The following PARD3 variants were observed in gnomAD, a reference collection of about 807,000 sequenced individuals.
The protein encoded by PARD3 is par-3 family cell polarity regulator, also known as partitioning defective 3 homolog.
PARD3 carries 75 observed loss-of-function variants against 155.4 expected under a neutral mutation model. The observed-to-expected ratio is 0.48, with a 90% CI of 0.40 to 0.58. The LOEUF is 0.58. PARD3 is among the 20% of genes least tolerant of loss of function. The probability of loss-of-function intolerance (pLI) is 0.00; values close to 1 mark genes in which losing one functional copy is unlikely to be tolerated. For synonymous variants in PARD3, 576 were observed against 610.5 expected (o/e 0.94, Z 0.83); for missense variants, 1,642 against 1,721.7 (o/e 0.95, Z 0.82).
intron 22 of PARD3, among the ~76,000 whole-genome samples, chr10:34,247,218 C>T (rs1338211409): frequency 6.6e-6 from 1 of 152,124 alleles, no homozygotes; most frequent in Non-Finnish European, 1.5e-5. Flanking sequence ...TAGAAACAGA[C>T]AGGATAGACA....
rs1406963390 is a variant in PARD3 at position 34,564,982 on chromosome 10, A to T, written c.223-47823T>A. Among the ~76,000 whole-genome samples, 3 of 152,132 alleles carry T rather than the reference A, an allele frequency of 2.0e-5. No individual in the cohort carries two copies. The South Asian group carries it at 6.2e-4, about 32-fold the overall frequency. On this transcript the variant is annotated intron_variant, in intron 2 of 24. Transcript: ENST00000374788. ...AACTGAGGCCCAGAAAAGCCAAGAA[A>T]CTTGCCCAAGTGCACAGAACTAATT...
At chr10:34,691,275 C>A (rs1304870244) in intron 2 of PARD3, among the ~76,000 whole-genome samples, 1 of 152,164 alleles carries the variant, frequency 6.6e-6, no homozygotes, top group East Asian at 1.9e-4. Context: ...GTATAAAAAT[C>A]AGTAGCATTC....
intron 23 of PARD3, among the ~76,000 whole-genome samples, chr10:34,121,583 C>T (rs1183419173): frequency 6.6e-6 from 1 of 152,196 alleles, no homozygotes; most frequent in African/African-American, 2.4e-5. Flanking sequence ...AAAAGAATGG[C>T]TCCTATGGTT....
At position 34,559,984 on chromosome 10, in the gene PARD3, A is replaced by C. The variant is rs988283730; in HGVS notation, c.223-42825T>G. On this transcript the variant is annotated intron_variant, in intron 2 of 24. Transcript: ENST00000374788. Reference sequence around the variant, plus strand: ...AGCTTGAGAGTTCTTTTTTTAAGCCAAACATTTTAAAAGTTTGAATTGAAG... The same window carrying C: ...AGCTTGAGAGTTCTTTTTTTAAGCCCAACATTTTAAAAGTTTGAATTGAAG... Among the ~76,000 whole-genome samples, 5 of 152,200 alleles carry C rather than the reference A, an allele frequency of 3.3e-5. No individual in the cohort carries two copies. The South Asian group carries it at 1.0e-3, about 32-fold the overall frequency.
At chr10:34,313,676 C>T (rs1957825159) in intron 20 of PARD3, among the ~76,000 whole-genome samples, 1 of 152,142 alleles carries the variant, frequency 6.6e-6, no homozygotes, top group Non-Finnish European at 1.5e-5. Flanking sequence ...AAAACAAGGC[C>T]TATCTATTTG....
intron 2 of PARD3, among the ~76,000 whole-genome samples, chr10:34,674,877 A>G (rs1024360380): frequency 6.6e-6 from 1 of 152,320 alleles, no homozygotes; most frequent in Non-Finnish European, 1.5e-5. Context: ...CAATTTAACT[A>G]TAATTCTACT....
At chr10:34,348,191 A>C in intron 14 of PARD3, 76 bp from the exon 15 acceptor site, 4 of 1,332,742 alleles carry the variant, frequency 3.0e-6, no homozygotes, top group Non-Finnish European at 4.1e-6. Context: ...GAATTATAAC[A>C]ACTTGCCCGA....
intron 22 of PARD3, among the ~76,000 whole-genome samples, chr10:34,186,646 CAGG>C (rs1950507665): frequency 2.0e-5 from 3 of 152,212 alleles, no homozygotes; most frequent in South Asian, 2.1e-4. Context: ...AGTTGGGGAA[CAGG>C]AGGAGGACAT....
chr10:34,197,088 A>C (rs1950982141), intron 22 of PARD3, among the ~76,000 whole-genome samples: 1 of 152,266 alleles, frequency 6.6e-6, no homozygotes, highest in South Asian at 2.1e-4. Flanking sequence ...TCAGCTCAAA[A>C]CCAAGTTAAA....
chr10:34,454,910 G>C (rs2077254936), intron 4 of PARD3, among the ~76,000 whole-genome samples: 1 of 149,422 alleles, frequency 6.7e-6, no homozygotes, highest in Non-Finnish European at 1.5e-5. Flanking sequence ...GGTAAGGAAA[G>C]TAAGTGTCTT....
At chr10:34,250,610 T>C (rs540564598) in intron 22 of PARD3, among the ~76,000 whole-genome samples, 76 of 148,240 alleles carry the variant, frequency 5.1e-4, no homozygotes, top group Non-Finnish European at 7.0e-4. Flanking sequence ...TACTCAGTAA[T>C]AAAAGAAAAA....
intron 2 of PARD3, among the ~76,000 whole-genome samples, chr10:34,544,146 T>C (rs2133910973): frequency 6.6e-6 from 1 of 152,358 alleles, no homozygotes; most frequent in East Asian, 1.9e-4. Context: ...TAACTTTTCT[T>C]TTTGAATTCT....
chr10:34,328,253 C>T (rs978670023), intron 19 of PARD3, among the ~76,000 whole-genome samples: 1 of 152,062 alleles, frequency 6.6e-6, no homozygotes, highest in Non-Finnish European at 1.5e-5. Context: ...ATCGATTTGG[C>T]AGACATTTAT....
intron 2 of PARD3, among the ~76,000 whole-genome samples, chr10:34,615,147 C>T (rs745799084): frequency 3.3e-5 from 5 of 152,150 alleles, no homozygotes; most frequent in African/African-American, 4.8e-5. Context: ...CGCCACTTCA[C>T]TCCAGCCTGG....
At chr10:34,412,944 G>C (rs909137707) in intron 5 of PARD3, among the ~76,000 whole-genome samples, 4 of 152,048 alleles carry the variant, frequency 2.6e-5, no homozygotes, top group Admixed American at 6.6e-5. Flanking sequence ...AAAAATAAAA[G>C]ATTTGAAATA....
intron 6 of PARD3, among the ~76,000 whole-genome samples, chr10:34,401,526 G>A (rs143029575): frequency 6.6e-6 from 1 of 152,164 alleles, no homozygotes; most frequent in East Asian, 1.9e-4. Flanking sequence ...GAGTTACGGT[G>A]TTTACAGTGT....
chr10:34,390,824 T>G lies in PARD3; in HGVS notation c.891-6570A>C, dbSNP rs558885930. 2.6e-5 allele frequency among the ~76,000 whole-genome samples: 4 copies of G among 152,360 alleles called. No individual in the cohort carries two copies. The South Asian group carries it at 6.2e-4, about 24-fold the overall frequency. On this transcript the variant is annotated intron_variant, in intron 7 of 24. Transcript: ENST00000374788. ...GTATAACAAACAATATAGTTTTTTT[T>G]GTGTGTGTACACATTTAGTTTTATT...
chr10:34,710,011 A>T (rs2133617531), intron 1 of PARD3, among the ~76,000 whole-genome samples: 1 of 152,280 alleles, frequency 6.6e-6, no homozygotes, highest in East Asian at 1.9e-4. Flanking sequence ...GCGGGGGGAC[A>T]GGGAGCTAGA....
rs552419722 is a variant in PARD3 at position 34,783,381 on chromosome 10, G to A, written c.120+31495C>T. ...GCACTTTCGGAGGCCGAGGCGGGCA[G>A]ATCACAAGGTCAGGAGATCGAGACC... On this transcript the variant is annotated intron_variant, in intron 1 of 24. Transcript: ENST00000374788. Among the ~76,000 whole-genome samples, 25 of 151,800 alleles carry A rather than the reference G, an allele frequency of 1.6e-4. No individual in the cohort carries two copies. In the South Asian group the frequency reaches 5.2e-3, roughly 32 times the overall value.
Sources: allele counts gnomAD v4.1 joint callset (sites outside exome capture counted in the v4.1 genomes callset), GRCh38; gene constraint gnomAD v4.1.1; transcripts MANE v1.5; gene names NCBI Gene and HGNC (gene_info 2026-07-23, HGNC 2026-07-21).